Variants in GPC6 observed in about 807,000 individuals in gnomAD.
The protein encoded by GPC6 is glypican 6.
GPC6 carries 14 observed loss-of-function variants against 55.2 expected under a neutral mutation model. That is an observed-to-expected ratio of 0.25 (90% CI 0.17 to 0.40). The LOEUF is 0.40. GPC6 is among the 10% of genes least tolerant of loss of function. GPC6 has a pLI of 1.00. For missense variants in GPC6, 641 were observed against 708.5 expected (o/e 0.90, Z 1.08); for synonymous variants, 278 against 259.6 (o/e 1.07, Z -0.68).
Position 93,741,640 on chromosome 13 carries a change from A to G in GPC6, c.320-88514A>G, listed in dbSNP as rs191962308. ...AATTATATTGTATTAATCTCCCTATATCTATGTTTGCTTTCTATAATTTCT... is the reference window on the plus strand; with the variant it reads ...AATTATATTGTATTAATCTCCCTATGTCTATGTTTGCTTTCTATAATTTCT... On this transcript the variant is annotated intron_variant, in intron 2 of 8. Coordinates refer to ENST00000377047, the MANE Select transcript of GPC6 (RefSeq NM_005708.5). 1.1e-3 allele frequency among the ~76,000 whole-genome samples: 171 copies of G among 152,150 alleles called. 2 individuals are homozygous for G. Among genetic ancestry groups the G allele is most frequent in the African/African-American group, 3.9e-3 (163 of 41,508 alleles).
chr13:93,329,938 A>G (rs866258899), intron 1 of GPC6, among the ~76,000 whole-genome samples: 42 of 152,312 alleles, frequency 2.8e-4, no homozygotes, highest in African/African-American at 8.9e-4. Context: ...AAGAAGACTT[A>G]GATCATGTTT....
intron 4 of GPC6, among the ~76,000 whole-genome samples, chr13:94,238,893 T>C (rs185951264): frequency 7.9e-5 from 12 of 152,140 alleles, no homozygotes; most frequent in African/African-American, 2.9e-4. Flanking sequence ...GCTGAGAAGC[T>C]GGGAGGGGTG....
Position 94,289,417 on chromosome 13 carries a change from C to G in GPC6, c.1008+2938C>G, listed in dbSNP as rs1203714260. Among the ~76,000 whole-genome samples, 3 of 152,224 alleles carry G rather than the reference C, an allele frequency of 2.0e-5. No homozygotes were observed. The South Asian group carries it at 6.2e-4, about 32-fold the overall frequency. ...AGAGCTCCTTTTTTAGGAGAGTTGG[C>G]CTGTTCACACAGGGAGATGACTGGG... On this transcript the variant is annotated intron_variant, in intron 5 of 8. Coordinates refer to ENST00000377047, the MANE Select transcript of GPC6 (RefSeq NM_005708.5).
chr13:93,915,144 T>C (rs933754968), intron 3 of GPC6, among the ~76,000 whole-genome samples: 3 of 152,354 alleles, frequency 2.0e-5, no homozygotes, highest in Admixed American at 2.0e-4. Flanking sequence ...GTTGTCTCTC[T>C]TTCTCTGCCA....
chr13:93,312,536 T>C (rs919256248), intron 1 of GPC6, among the ~76,000 whole-genome samples: 1 of 152,180 alleles, frequency 6.6e-6, no homozygotes, highest in South Asian at 2.1e-4. Context: ...AGACTTGGCA[T>C]AATTTTACAT....
intron 4 of GPC6, among the ~76,000 whole-genome samples, chr13:94,115,547 C>G (rs933777973): frequency 6.6e-6 from 1 of 152,112 alleles, no homozygotes; most frequent in Non-Finnish European, 1.5e-5. Flanking sequence ...GACCCTTCCT[C>G]AGGTCCCAAA....
chr13:93,584,901 AC>A (rs1294200402), intron 2 of GPC6, among the ~76,000 whole-genome samples: 3 of 151,894 alleles, frequency 2.0e-5, no homozygotes, highest in Non-Finnish European at 4.4e-5. Context: ...CATTGCCCAG[AC>A]TAGTCTTGAA....
At chr13:93,298,949 T>C (rs1014254525) in intron 1 of GPC6, among the ~76,000 whole-genome samples, 1 of 151,992 alleles carries the variant, frequency 6.6e-6, no homozygotes, top group Non-Finnish European at 1.5e-5. Context: ...GTAATAGTTA[T>C]TTTTGCACTT....
intron 1 of GPC6, among the ~76,000 whole-genome samples, chr13:93,281,794 C>T (rs1483055159): frequency 3.3e-5 from 5 of 151,994 alleles, no homozygotes; most frequent in African/African-American, 1.2e-4. Flanking sequence ...CCAGCGTGGG[C>T]GACGGAGTGA....
At chr13:94,321,024 C>A (rs1876795840) in intron 6 of GPC6, among the ~76,000 whole-genome samples, 1 of 152,174 alleles carries the variant, frequency 6.6e-6, no homozygotes, top group Non-Finnish European at 1.5e-5. Context: ...CAGATAATAA[C>A]CCTAGTAGCT....
intron 6 of GPC6, among the ~76,000 whole-genome samples, chr13:94,379,318 G>T (rs1373679846): frequency 6.6e-6 from 1 of 152,168 alleles, no homozygotes; most frequent in African/African-American, 2.4e-5. Flanking sequence ...GAATTGGCCA[G>T]TGTTTCCGTG....
chr13:93,915,721 T>A (rs1877253971), intron 3 of GPC6, among the ~76,000 whole-genome samples: 1 of 152,168 alleles, frequency 6.6e-6, no homozygotes, highest in Non-Finnish European at 1.5e-5. Flanking sequence ...CAGAACCACC[T>A]CTTTGACCTG....
rs373441184 is a variant in GPC6, at chr13:94,191,061, T to C, written c.878-95288T>C. The stretch of plus-strand genomic sequence containing the variant: ...TACAAATGTTTTTGTACCATTCTTA[T>C]AAATTTCTATGAGTTTTGGATTATT... On this transcript the variant is annotated intron_variant, in intron 4 of 8. Coordinates refer to ENST00000377047, the MANE Select transcript of GPC6 (RefSeq NM_005708.5). Among the ~76,000 whole-genome samples, 11 of 152,208 alleles carry C rather than the reference T, an allele frequency of 7.2e-5. No individual in the cohort carries two copies. In the East Asian group the frequency reaches 7.7e-4, roughly 11 times the overall value.
At chr13:93,394,579 C>T (rs371950028) in intron 1 of GPC6, among the ~76,000 whole-genome samples, 24 of 152,210 alleles carry the variant, frequency 1.6e-4, no homozygotes, top group African/African-American at 5.5e-4. Context: ...GTTAATGAAA[C>T]ATATTTTCAA....
At chr13:94,313,730 G>A (rs546018682) in intron 6 of GPC6, among the ~76,000 whole-genome samples, 2 of 152,206 alleles carry the variant, frequency 1.3e-5, no homozygotes, top group East Asian at 1.9e-4. Flanking sequence ...TCATATTGGG[G>A]GCGATTTGTT....
intron 3 of GPC6, among the ~76,000 whole-genome samples, chr13:93,929,058 G>A (rs1352332321): frequency 6.6e-6 from 1 of 152,124 alleles, no homozygotes; most frequent in Non-Finnish European, 1.5e-5. Flanking sequence ...GAGTGTGCTT[G>A]TCATTGACAA....
intron 2 of GPC6, among the ~76,000 whole-genome samples, chr13:93,719,712 T>C (rs4771879): frequency 0.94 from 142,514 of 152,092 alleles, 66,795 homozygotes; most frequent in Admixed American, 0.96. Context: ...ATGATATTGG[T>C]TGCATATTTG....
chr13:93,607,247 A>G (rs755615525), intron 2 of GPC6, among the ~76,000 whole-genome samples: 1 of 152,162 alleles, frequency 6.6e-6, no homozygotes, highest in African/African-American at 2.4e-5. Flanking sequence ...CCCGCAATAT[A>G]TTTGTTTTTT....
chr13:93,274,588 A>G (rs1475428236), intron 1 of GPC6, among the ~76,000 whole-genome samples: 3 of 152,308 alleles, frequency 2.0e-5, no homozygotes, highest in Non-Finnish European at 2.9e-5. Context: ...CTTAAATCAG[A>G]TGTCATATAC....
Sources: allele counts gnomAD v4.1 joint callset (sites outside exome capture counted in the v4.1 genomes callset), GRCh38; gene constraint gnomAD v4.1.1; transcripts MANE v1.5; gene names NCBI Gene and HGNC (gene_info 2026-07-23, HGNC 2026-07-21).